Variants in PARD3B observed in about 807,000 individuals in gnomAD.
The protein encoded by PARD3B is partitioning defective 3 homolog B.
In PARD3B, 103 loss-of-function variants were observed where a neutral mutation model predicts 130.2. The observed-to-expected ratio is 0.79, with a 90% CI of 0.67 to 0.93. PARD3B has a LOEUF of 0.93. Among genes scored for constraint, PARD3B ranks in the 40% least tolerant of loss-of-function variants. PARD3B has a pLI of 0.00. For missense variants in PARD3B, 1,609 were observed against 1,499.2 expected (o/e 1.07, Z -1.21); for synonymous variants, 583 against 553.2 (o/e 1.05, Z -0.76).
At chr2:204,781,932 TC>T (rs2125453953) in intron 2 of PARD3B, among the ~76,000 whole-genome samples, 1 of 152,242 alleles carries the variant, frequency 6.6e-6, no homozygotes, top group East Asian at 1.9e-4. Context: ...TAATAGTTTT[TC>T]CAGCTTTTAT....
At chr2:205,173,077 C>G (rs1009155271) in intron 12 of PARD3B, among the ~76,000 whole-genome samples, 2 of 151,776 alleles carry the variant, frequency 1.3e-5, no homozygotes, top group African/African-American at 4.8e-5. Context: ...TTAGAAAAAG[C>G]TAAGAAGAAA....
At chr2:204,625,954 A>T (rs1400129384) in intron 1 of PARD3B, among the ~76,000 whole-genome samples, 1 of 152,122 alleles carries the variant, frequency 6.6e-6, no homozygotes, top group African/African-American at 2.4e-5. Flanking sequence ...TGTATAGGGT[A>T]TATTATTTTG....
In PARD3B at chr2:204,610,869, G is replaced by A. The variant is rs2033895415; in HGVS notation, c.120+64750G>A. Among the ~76,000 whole-genome samples, 1 of 152,122 alleles carries A rather than the reference G, an allele frequency of 6.6e-6. No homozygotes were observed. The highest frequency in any genetic ancestry group is 1.5e-5 in the Non-Finnish European group (1 of 68,030). ...CAGTATTTCTAGTATATAAAATTCA[G>A]TTGATATATGCTTGATACAATTTAC... On this transcript the variant is annotated intron_variant, in intron 1 of 22. Coordinates refer to ENST00000406610, the MANE Select transcript of PARD3B (RefSeq NM_001302769.2). This position sits in a 1 kb window ranked among gnomAD's most constrained non-coding sequence, Gnocchi z 4.1.
intron 16 of PARD3B, among the ~76,000 whole-genome samples, chr2:205,273,143 A>C (rs1365522465): frequency 6.6e-6 from 1 of 152,224 alleles, no homozygotes; most frequent in Non-Finnish European, 1.5e-5. Context: ...TAACACATAC[A>C]TTGCAGAAAT....
Position 204,906,309 on chromosome 2 carries a change from C to T in PARD3B, c.223-58843C>T, listed in dbSNP as rs2047040497. Among the ~76,000 whole-genome samples, 1 of 152,288 alleles carries T rather than the reference C, an allele frequency of 6.6e-6. No homozygotes were observed. Among genetic ancestry groups the T allele is most frequent in the Non-Finnish European group, 1.5e-5 (1 of 68,010 alleles). ...CCCATTTAGACTCAGACTTTTCTTG[C>T]TTTGAAATACCATAATAACTCTGTC... is the stretch of plus-strand genomic sequence containing the variant. On this transcript the variant is annotated intron_variant, in intron 2 of 22. Transcript: ENST00000406610. The surrounding 1 kb of genome is among the most constrained non-coding windows in gnomAD (Gnocchi z 4.3).
Position 205,287,711 on chromosome 2 carries a change from G to A in PARD3B, c.2186-12819G>A, listed in dbSNP as rs1324318532. 2.6e-5 allele frequency among the ~76,000 whole-genome samples: 4 copies of A among 152,092 alleles called. No homozygotes were observed. The highest frequency in any genetic ancestry group is 2.6e-4 in the Admixed American group (4 of 15,264). On this transcript the variant is annotated intron_variant, in intron 16 of 22. Coordinates refer to ENST00000406610, the MANE Select transcript of PARD3B (RefSeq NM_001302769.2). This position sits in a 1 kb window ranked among gnomAD's most constrained non-coding sequence, Gnocchi z 4.8. Reference sequence around the variant, plus strand: ...GGAAAAAGAATGGATGTCAGCACTCGGGGGAGAAAAGAGAGACAGTTTAGG... The same window carrying A: ...GGAAAAAGAATGGATGTCAGCACTCAGGGGAGAAAAGAGAGACAGTTTAGG...
intron 18 of PARD3B, among the ~76,000 whole-genome samples, chr2:205,330,946 A>G (rs879852107): frequency 6.6e-5 from 10 of 152,186 alleles, no homozygotes; most frequent in African/African-American, 1.9e-4. Context: ...GACCAAAGCC[A>G]GTGACTTCTC....
chr2:204,757,010 A>G (rs1007567667), intron 2 of PARD3B, among the ~76,000 whole-genome samples: 1 of 152,060 alleles, frequency 6.6e-6, no homozygotes, highest in African/African-American at 2.4e-5. Context: ...GAGAACATGC[A>G]GTATTTGGTT....
At chr2:204,870,935 T>C (rs1460851693) in intron 2 of PARD3B, among the ~76,000 whole-genome samples, 1 of 152,182 alleles carries the variant, frequency 6.6e-6, no homozygotes, top group Non-Finnish European at 1.5e-5. Flanking sequence ...TAAGACATTT[T>C]AAATTGTTTG....
At chr2:204,683,149 G>C (rs1392087111) in intron 1 of PARD3B, among the ~76,000 whole-genome samples, 1 of 152,016 alleles carries the variant, frequency 6.6e-6, no homozygotes, top group African/African-American at 2.4e-5. Context: ...CAAAAGTGGA[G>C]AAAACATAAT....
intron 1 of PARD3B, among the ~76,000 whole-genome samples, chr2:204,585,773 CAACAT>C (rs1236451007): frequency 6.6e-6 from 1 of 152,074 alleles, no homozygotes; most frequent in Non-Finnish European, 1.5e-5. Flanking sequence ...CTCTCCCATT[CAACAT>C]GTTTACATTT....
Position 205,058,345 on chromosome 2 carries a change from TG to T in PARD3B, c.504+10657del, listed in dbSNP as rs575539844. Among the ~76,000 whole-genome samples, 82 of 152,142 alleles carry T rather than the reference TG, an allele frequency of 5.4e-4. 1 individual carries two copies. In the South Asian group the frequency reaches 0.016, roughly 30 times the overall value. On this transcript the variant is annotated intron_variant, in intron 4 of 22. Coordinates refer to ENST00000406610, the MANE Select transcript of PARD3B (RefSeq NM_001302769.2). ...TTTTGCTTATCTACTCATCTCTTGA[TG>T]GACACTTGAGTTGCTTCCACATTTT...
In PARD3B at chr2:204,815,563, C is replaced by T. The variant is rs551333629; in HGVS notation, c.222+129281C>T. Among the ~76,000 whole-genome samples the T allele has an allele frequency of 7.9e-5, 12 of 152,016 alleles. No homozygotes were observed. The East Asian group carries it at 2.3e-3, about 29-fold the overall frequency. On this transcript the variant is annotated intron_variant, in intron 2 of 22. Coordinates refer to ENST00000406610, the MANE Select transcript of PARD3B (RefSeq NM_001302769.2). ...TCTGTTCTTTACCATTTCCATTTTG[C>T]TGCTAACTTTGCCATTCAATTTCCT... is the stretch of plus-strand genomic sequence containing the variant.
At chr2:205,327,909 C>T (rs1435771063) in intron 18 of PARD3B, among the ~76,000 whole-genome samples, 2 of 152,138 alleles carry the variant, frequency 1.3e-5, no homozygotes, top group Non-Finnish European at 2.9e-5. Flanking sequence ...TAAGTTGATC[C>T]TTCCAGGGTC....
chr2:205,495,952 T>A (rs539409122), intron 20 of PARD3B, among the ~76,000 whole-genome samples: 1 of 152,140 alleles, frequency 6.6e-6, no homozygotes, highest in South Asian at 2.1e-4. Context: ...TCCTATAGAT[T>A]AGTAGTGGCT....
chr2:205,089,146 CTT>C lies in PARD3B; in HGVS notation c.505-15269_505-15268del, dbSNP rs34517258. ...TGGGCACTCTCTTTTTTTTTTCTTT[CTT>C]TTTTTTTTTTCTTTTTTTCTTTTTT... is the stretch of plus-strand genomic sequence containing the variant. On this transcript the variant is annotated intron_variant, in intron 4 of 22. Coordinates refer to ENST00000406610, the MANE Select transcript of PARD3B (RefSeq NM_001302769.2). Among the ~76,000 whole-genome samples the C allele has an allele frequency of 7.0e-4, 101 of 143,300 alleles. 1 individual carries two copies. In the East Asian group the frequency reaches 0.017, roughly 24 times the overall value. 94.0% of individuals were successfully genotyped at this position (143,300 alleles called of 152,430 possible). A position where few individuals can be genotyped will look rare whatever the true frequency, so the allele number is the denominator to read the frequency against.
chr2:205,099,043 A>G (rs1702579113), intron 4 of PARD3B, among the ~76,000 whole-genome samples: 1 of 152,182 alleles, frequency 6.6e-6, no homozygotes, highest in Non-Finnish European at 1.5e-5. Flanking sequence ...GTAAAGGGCA[A>G]ACATCTTAAA....
intron 18 of PARD3B, among the ~76,000 whole-genome samples, chr2:205,338,954 G>C (rs866559608): frequency 3.3e-5 from 5 of 152,168 alleles, no homozygotes; most frequent in Non-Finnish European, 5.9e-5. Flanking sequence ...GGGGAAGGGG[G>C]ATAAAATTTA....
Position 205,194,815 on chromosome 2 carries a change from G to A in PARD3B, c.2140+1495G>A, listed in dbSNP as rs536831307. On this transcript the variant is annotated intron_variant, in intron 15 of 22. Coordinates refer to ENST00000406610, the MANE Select transcript of PARD3B (RefSeq NM_001302769.2). ...TATTTTTATTTTGAGATGGAGTCTC[G>A]CTCTGTCACCCAGGATGGAGTGCAG... Among the ~76,000 whole-genome samples the A allele has an allele frequency of 3.4e-4, 52 of 151,784 alleles. 2 individuals are homozygous for A. Among genetic ancestry groups the A allele is most frequent in the African/African-American group, 8.2e-4 (34 of 41,410 alleles).
Sources: allele counts gnomAD v4.1 joint callset (sites outside exome capture counted in the v4.1 genomes callset), GRCh38; gene constraint gnomAD v4.1.1; non-coding constraint Gnocchi (gnomAD v3.1); transcripts MANE v1.5; gene names NCBI Gene and HGNC (gene_info 2026-07-23, HGNC 2026-07-21).